EXOC2: variants seen among roughly 807,000 people sequenced by gnomAD.
EXOC2 encodes SEC5-like 1.
EXOC2 carries 70 observed loss-of-function variants against 131.8 expected under a neutral mutation model. That is an observed-to-expected ratio of 0.53 (90% CI 0.44 to 0.65). EXOC2 has a LOEUF of 0.65. Ranked by LOEUF, EXOC2 falls within the 30% of genes least tolerant of loss-of-function variation. The probability of loss-of-function intolerance (pLI) is 0.00; values close to 1 mark genes in which losing one functional copy is unlikely to be tolerated. For missense variants in EXOC2, 923 were observed against 1,108.6 expected (o/e 0.83, Z 2.38); for synonymous variants, 411 against 398.4 (o/e 1.03, Z -0.38).
chr6:592,646 T>C (rs776340410), intron 10 of EXOC2, 59 bp from the exon 11 acceptor site: 46 of 1,359,324 alleles, frequency 3.4e-5, no homozygotes, highest in Non-Finnish European at 4.4e-5. Context: ...TTTAAAATCA[T>C]TACTTTTTAA....
chr6:574,428 C>T (rs1275807137), intron 12 of EXOC2, among the ~76,000 whole-genome samples: 6 of 152,134 alleles, frequency 3.9e-5, no homozygotes, highest in African/African-American at 1.4e-4. Flanking sequence ...TTTTGCCAAC[C>T]TCGTATCTCA....
intron 23 of EXOC2, among the ~76,000 whole-genome samples, chr6:518,972 T>C (rs1765311987): frequency 6.6e-6 from 1 of 152,166 alleles, no homozygotes; most frequent in Non-Finnish European, 1.5e-5. Flanking sequence ...TCCACTCAAC[T>C]GGTATCCGTT....
Position 617,792 on chromosome 6 carries a change from C to A in EXOC2, c.580G>T (p.Ala194Ser), listed in dbSNP as rs1480236460. The change falls in exon 6 of 28, where the codon GCT (alanine) becomes TCT (serine). Residue 194 changes from alanine to serine, a missense_variant. By Grantham distance (99) the Ala-to-Ser change is moderately conservative (BLOSUM62 1). Coordinates refer to ENST00000230449, the MANE Select transcript of EXOC2 (RefSeq NM_018303.6). ...AGGCTGCCCTCACTCTTCTTGTTAGCCTGTCTCTTTAGGTTGGTGACTGCC... is the reference window on the plus strand; with the variant it reads ...AGGCTGCCCTCACTCTTCTTGTTAGACTGTCTCTTTAGGTTGGTGACTGCC... ...KMAVTNLKRQ[A>S]NKKSEGSLAY... The A allele has an allele frequency of 1.2e-6, 2 of 1,613,546 alleles. No individual in the cohort carries two copies. Among genetic ancestry groups the A allele is most frequent in the African/African-American group, 1.3e-5 (1 of 75,030 alleles).
intron 11 of EXOC2, among the ~76,000 whole-genome samples, chr6:590,132 T>A (rs1317133694): frequency 3.0e-5 from 4 of 135,438 alleles, no homozygotes; most frequent in African/African-American, 8.0e-5. Context: ...AAAAAAAAAA[T>A]CCCCAGTGGA....
chr6:556,870 G>A (rs1286631377), intron 17 of EXOC2, among the ~76,000 whole-genome samples: 2 of 152,158 alleles, frequency 1.3e-5, no homozygotes, highest in African/African-American at 4.8e-5. Flanking sequence ...AATATACAAC[G>A]AGGAGCAGAT....
intron 1 of EXOC2, among the ~76,000 whole-genome samples, chr6:688,154 G>A (rs1308064488): frequency 4.6e-5 from 7 of 152,184 alleles, no homozygotes; most frequent in South Asian, 2.1e-4. Flanking sequence ...TGGCAAGACC[G>A]CTTGCTAAGA....
At chr6:662,677 G>A (rs1763473342) in intron 1 of EXOC2, among the ~76,000 whole-genome samples, 2 of 152,120 alleles carry the variant, frequency 1.3e-5, no homozygotes, top group Non-Finnish European at 2.9e-5. Context: ...AAAGTTCATA[G>A]CCCCAAGCAC....
intron 4 of EXOC2, among the ~76,000 whole-genome samples, chr6:622,457 G>A (rs1761341024): frequency 6.6e-6 from 1 of 152,194 alleles, no homozygotes; most frequent in Non-Finnish European, 1.5e-5. Flanking sequence ...CTGTGCCTCG[G>A]TGTTTCTCTG....
chr6:572,015 A>G (rs1758307531), intron 13 of EXOC2, among the ~76,000 whole-genome samples: 1 of 152,252 alleles, frequency 6.6e-6, no homozygotes, highest in Non-Finnish European at 1.5e-5. Context: ...CAGAAGGTGG[A>G]CGGGCTCATA....
intron 1 of EXOC2, among the ~76,000 whole-genome samples, chr6:659,235 T>G (rs923638323): frequency 3.9e-5 from 6 of 152,232 alleles, no homozygotes; most frequent in African/African-American, 1.4e-4. Context: ...TGCTGTAATT[T>G]TCAAAACACT....
chr6:536,947 A>G (rs1047187675), intron 22 of EXOC2, among the ~76,000 whole-genome samples: 7 of 152,256 alleles, frequency 4.6e-5, no homozygotes, highest in Non-Finnish European at 7.3e-5. Flanking sequence ...AATCGTCAAT[A>G]GAAAGATGAC....
At chr6:498,908 C>T (rs1043912431) in intron 24 of EXOC2, among the ~76,000 whole-genome samples, 1 of 152,200 alleles carries the variant, frequency 6.6e-6, no homozygotes, top group African/African-American at 2.4e-5. Flanking sequence ...GCCACAGCCA[C>T]TCTCAAAGTG....
At chr6:661,146 GT>G (rs983918776) in intron 1 of EXOC2, among the ~76,000 whole-genome samples, 4 of 152,168 alleles carry the variant, frequency 2.6e-5, no homozygotes, top group Non-Finnish European at 4.4e-5. Flanking sequence ...GGAGTCTGGG[GT>G]TATGTTAAAT....
intron 12 of EXOC2, among the ~76,000 whole-genome samples, chr6:575,468 T>A (rs145166693): frequency 6.6e-6 from 1 of 151,140 alleles, no homozygotes; most frequent in Non-Finnish European, 1.5e-5. Context: ...TCCCTCTCCA[T>A]CCTCTCCCTC....
At chr6:610,051 A>G (rs935497411) in intron 7 of EXOC2, 47 bp downstream of exon 7, 5 of 1,545,036 alleles carry the variant, frequency 3.2e-6, no homozygotes, top group African/African-American at 2.8e-5. Context: ...ATTTTAAAGC[A>G]TGTTGTAAAA....
At chr6:562,968 AAGT>A (rs1474011353) in intron 16 of EXOC2, 123 bp from the exon 17 acceptor site, 11 of 564,958 alleles carry the variant, frequency 1.9e-5, no homozygotes, top group South Asian at 4.9e-5. Context: ...AACTCGATGA[AAGT>A]AGGCAAAGAA....
chr6:655,343 G>C (rs1763024344), intron 1 of EXOC2, among the ~76,000 whole-genome samples: 1 of 152,276 alleles, frequency 6.6e-6, no homozygotes, highest in African/African-American at 2.4e-5. Flanking sequence ...ACATTTTTTA[G>C]ACATAGTACT....
chr6:596,652 C>T (rs552974055), intron 10 of EXOC2, among the ~76,000 whole-genome samples: 2 of 152,204 alleles, frequency 1.3e-5, no homozygotes, highest in East Asian at 3.9e-4. Context: ...CAGGTCTGGG[C>T]CACTGTGTCT....
At chr6:546,872 T>G (rs747932107) in intron 22 of EXOC2, among the ~76,000 whole-genome samples, 13 of 152,228 alleles carry the variant, frequency 8.5e-5, no homozygotes, top group Non-Finnish European at 1.9e-4. Flanking sequence ...TACACTTAGA[T>G]TTTCGACTGC....
Sources: allele counts gnomAD v4.1 joint callset (sites outside exome capture counted in the v4.1 genomes callset), GRCh38; gene constraint gnomAD v4.1.1; transcripts MANE v1.5; gene names NCBI Gene and HGNC (gene_info 2026-07-23, HGNC 2026-07-21).